Variants in PELI2 observed in about 807,000 individuals in gnomAD.
The protein encoded by PELI2 is E3 ubiquitin-protein ligase pellino homolog 2.
In PELI2, 23 loss-of-function variants were observed where a neutral mutation model predicts 42.3. That is an observed-to-expected ratio of 0.54 (90% CI 0.39 to 0.77). The LOEUF is 0.77. PELI2 is among the 30% of genes least tolerant of loss of function. The probability of loss-of-function intolerance (pLI) is 0.00; values close to 1 mark genes in which losing one functional copy is unlikely to be tolerated. For missense variants in PELI2, 463 were observed against 553.2 expected (o/e 0.84, Z 1.64); for synonymous variants, 245 against 212.2 (o/e 1.15, Z -1.34).
intron 2 of PELI2, among the ~76,000 whole-genome samples, chr14:56,190,733 C>T (rs752735672): frequency 1.3e-5 from 2 of 152,152 alleles, no homozygotes; most frequent in Non-Finnish European, 2.9e-5. Context: ...TGTGAATATT[C>T]ATTCTGTTAG....
chr14:56,155,450 G>A (rs1487402217), intron 1 of PELI2, among the ~76,000 whole-genome samples: 1 of 152,062 alleles, frequency 6.6e-6, no homozygotes, highest in South Asian at 2.1e-4. Flanking sequence ...TAGCACAATC[G>A]ATTAGATGAT....
At chr14:56,167,785 A>C (rs979641384) in intron 1 of PELI2, among the ~76,000 whole-genome samples, 1 of 152,144 alleles carries the variant, frequency 6.6e-6, no homozygotes, top group Non-Finnish European at 1.5e-5. Flanking sequence ...TGTAGTCTTC[A>C]CTTTCTGGGC....
At chr14:56,263,037 A>T (rs1339479497) in intron 2 of PELI2, among the ~76,000 whole-genome samples, 1 of 152,126 alleles carries the variant, frequency 6.6e-6, no homozygotes, top group Non-Finnish European at 1.5e-5. Flanking sequence ...GCTCACTGCA[A>T]CAACCACCTC....
intron 1 of PELI2, among the ~76,000 whole-genome samples, chr14:56,164,619 GTTC>G (rs752339883): frequency 7.2e-5 from 11 of 152,098 alleles, no homozygotes; most frequent in Non-Finnish European, 1.6e-4. Context: ...ATTGGTATTA[GTTC>G]TTCTTTAAAT....
At chr14:56,274,990 G>A (rs937088060) in intron 2 of PELI2, among the ~76,000 whole-genome samples, 2 of 152,184 alleles carry the variant, frequency 1.3e-5, no homozygotes, top group Non-Finnish European at 2.9e-5. Flanking sequence ...CTTTGCTAGT[G>A]AGAAGTAGGG....
chr14:56,242,318 G>A (rs775202664), intron 2 of PELI2, among the ~76,000 whole-genome samples: 8 of 152,210 alleles, frequency 5.3e-5, no homozygotes, highest in East Asian at 1.9e-4. Context: ...TACCATAGTC[G>A]TAGCCATGAA....
At chr14:56,213,880 C>T (rs1385687586) in intron 2 of PELI2, among the ~76,000 whole-genome samples, 1 of 152,270 alleles carries the variant, frequency 6.6e-6, no homozygotes, top group Admixed American at 6.5e-5. Context: ...GAGACAGGGT[C>T]TCACTCTGTC....
At chr14:56,252,468 G>A (rs1008629565) in intron 2 of PELI2, among the ~76,000 whole-genome samples, 2 of 152,150 alleles carry the variant, frequency 1.3e-5, no homozygotes, top group Non-Finnish European at 2.9e-5. Flanking sequence ...AACCTGTAAC[G>A]TATTGTAAGA....
intron 2 of PELI2, among the ~76,000 whole-genome samples, chr14:56,255,365 T>C (rs1888490987): frequency 1.3e-5 from 2 of 152,190 alleles, no homozygotes; most frequent in South Asian, 4.2e-4. Context: ...AAACCATCAT[T>C]CTCAGCAGAC....
In PELI2 at chr14:56,183,544, G is replaced by A. The variant is rs766575846; in HGVS notation, c.207+5080G>A. Reference sequence around the variant, plus strand: ...CAAGAATTGTTTTTATGTGAATGTAGCATGGAAGTTTGGGTTTATGGTCCT... The same window carrying A: ...CAAGAATTGTTTTTATGTGAATGTAACATGGAAGTTTGGGTTTATGGTCCT... On this transcript the variant is annotated intron_variant, in intron 2 of 5. Coordinates refer to ENST00000267460, the MANE Select transcript of PELI2 (RefSeq NM_021255.3). Among the ~76,000 whole-genome samples the A allele has an allele frequency of 4.6e-5, 7 of 152,170 alleles. 1 individual carries two copies. The highest frequency in any genetic ancestry group is 4.6e-4 in the Admixed American group (7 of 15,284).
intron 4 of PELI2, among the ~76,000 whole-genome samples, chr14:56,289,499 G>A (rs1396566246): frequency 6.6e-6 from 1 of 152,162 alleles, no homozygotes; most frequent in Non-Finnish European, 1.5e-5. Context: ...CCTCCAAGAA[G>A]ATATCATGTG....
intron 1 of PELI2, among the ~76,000 whole-genome samples, chr14:56,155,977 TATTG>T (rs975887334): frequency 2.0e-5 from 3 of 152,236 alleles, no homozygotes; most frequent in Admixed American, 6.5e-5. Flanking sequence ...GTTTCAATTT[TATTG>T]ATTAAGCTAA....
intron 1 of PELI2, among the ~76,000 whole-genome samples, chr14:56,155,464 A>T (rs1276706027): frequency 6.6e-6 from 1 of 152,016 alleles, no homozygotes. Context: ...AGATGATCCA[A>T]CTTCTTTCTC....
At chr14:56,295,655 A>G (rs969942769) in intron 5 of PELI2, among the ~76,000 whole-genome samples, 13 of 152,238 alleles carry the variant, frequency 8.5e-5, no homozygotes, top group Non-Finnish European at 1.8e-4. Flanking sequence ...TATCTAACAC[A>G]ACCACCTTTT....
intron 1 of PELI2, among the ~76,000 whole-genome samples, chr14:56,154,529 T>C (rs1884478147): frequency 2.6e-5 from 4 of 152,252 alleles, no homozygotes; most frequent in Admixed American, 2.6e-4. Flanking sequence ...CTTGCTTCCC[T>C]TTTGCCTTCA....
At position 56,299,955 on chromosome 14, in the gene PELI2, G is replaced by A. The variant is rs931787373; in HGVS notation, c.*2789G>A. 1 of 152,370 alleles carries A rather than the reference G, an allele frequency of 6.6e-6. No individual in the cohort carries two copies. Among genetic ancestry groups the A allele is most frequent in the African/African-American group, 2.4e-5 (1 of 41,374 alleles). The allele number at this position is 152,370 out of a possible 1,614,324, so 9.4% of individuals were successfully genotyped here. ...ACAACTCTGAGTATTTTTCTAGTCC[G>A]GAATTTTTTATTAATAATCGGTGCT... On this transcript the variant is annotated 3_prime_UTR_variant, in exon 6 of 6. Coordinates refer to ENST00000267460, the MANE Select transcript of PELI2 (RefSeq NM_021255.3).
At chr14:56,211,897 G>A (rs1886726033) in intron 2 of PELI2, among the ~76,000 whole-genome samples, 2 of 151,864 alleles carry the variant, frequency 1.3e-5, no homozygotes, top group African/African-American at 2.4e-5. Context: ...CCATACAGAC[G>A]CATGCATGTT....
At position 56,180,772 on chromosome 14, in the gene PELI2, C is replaced by T. The variant is rs559326817; in HGVS notation, c.207+2308C>T. Among the ~76,000 whole-genome samples, 45 of 152,248 alleles carry T rather than the reference C, an allele frequency of 3.0e-4. No individual in the cohort carries two copies. The highest frequency in any genetic ancestry group is 1.0e-3 in the African/African-American group (43 of 41,552). ...TTACTCCTGCTCCCTCTCAAACTCT[C>T]ATCCCTGCCAGCTGTGCCAGGCCAC... On this transcript the variant is annotated intron_variant, in intron 2 of 5. Transcript: ENST00000267460. This position sits in a 1 kb window ranked among gnomAD's most constrained non-coding sequence, Gnocchi z 4.4.
At chr14:56,218,253 A>T (rs1886983611) in intron 2 of PELI2, among the ~76,000 whole-genome samples, 2 of 152,232 alleles carry the variant, frequency 1.3e-5, no homozygotes, top group Non-Finnish European at 2.9e-5. Context: ...TTTTCTAAAA[A>T]GTAGCTAGCA....
Sources: allele counts gnomAD v4.1 joint callset (sites outside exome capture counted in the v4.1 genomes callset), GRCh38; gene constraint gnomAD v4.1.1; non-coding constraint Gnocchi (gnomAD v3.1); transcripts MANE v1.5; gene names NCBI Gene and HGNC (gene_info 2026-07-23, HGNC 2026-07-21).